Variants in CEP192 observed in about 807,000 individuals in gnomAD.
CEP192 encodes the protein centrosomal protein 192, also known as centrosomal protein of 192 kDa.
A neutral mutation model predicts 271.8 loss-of-function variants in CEP192; 151 were observed. The observed-to-expected ratio is 0.56, with a 90% CI of 0.49 to 0.64. The LOEUF is 0.64. Ranked by LOEUF, CEP192 falls within the 30% of genes least tolerant of loss-of-function variation. The pLI is 0.00. For synonymous variants in CEP192, 995 were observed against 1,076.5 expected (o/e 0.92, Z 1.48); for missense variants, 2,910 against 3,020.5 (o/e 0.96, Z 0.86).
chr18:13,059,658 G>A (rs111923091), intron 21 of CEP192, among the ~76,000 whole-genome samples: 10 of 152,122 alleles, frequency 6.6e-5, no homozygotes, highest in Admixed American at 2.0e-4. Context: ...AGCTAGAAAA[G>A]TTTCCCTTCT....
chr18:13,124,707 T>G lies in CEP192; in HGVS notation c.7551T>G (p.Ile2517Met). ...GCAAATTTGAAGCTTTGCTTGTCAT[T>G]CAAACAGATGAAGGCAAGAGTATTG... ...SAGKFEALLV[I>M]QTDEGKSIAI... Residue 2517 changes from isoleucine (I) to methionine (M), a missense_variant, in exon 45 of 45, where the codon ATT becomes ATG. Physicochemically the swap from Ile to Met is conservative, Grantham distance 10. Coordinates refer to ENST00000506447, the MANE Select transcript of CEP192 (RefSeq NM_032142.4). 1.2e-6 allele frequency: 2 copies of G among 1,614,066 alleles called. No homozygotes were observed. Among genetic ancestry groups the G allele is most frequent in the African/African-American group, 1.3e-5 (1 of 75,048 alleles).
intron 33 of CEP192, 140 bp from the exon 34 acceptor site, chr18:13,092,236 TG>T (rs1170392309): frequency 2.8e-5 from 15 of 538,614 alleles, no homozygotes; most frequent in Non-Finnish European, 4.7e-5. Context: ...TTGTGCCAGG[TG>T]GTATACTGCT....
intron 15 of CEP192, among the ~76,000 whole-genome samples, chr18:13,047,949 A>G (rs1404530699): frequency 6.6e-6 from 1 of 152,226 alleles, no homozygotes; most frequent in Non-Finnish European, 1.5e-5. Context: ...TAAAAAACAA[A>G]TGATAATCAA....
chr18:13,017,831 A>G (rs538058016), intron 7 of CEP192, among the ~76,000 whole-genome samples: 109 of 152,144 alleles, frequency 7.2e-4, no homozygotes, highest in Non-Finnish European at 1.3e-3. Flanking sequence ...TATTCTTACT[A>G]TTTTTTATCT....
At chr18:13,047,821 A>G (rs2036564421) in intron 15 of CEP192, among the ~76,000 whole-genome samples, 2 of 152,236 alleles carry the variant, frequency 1.3e-5, no homozygotes, top group African/African-American at 4.8e-5. Flanking sequence ...TGAAATTACC[A>G]AGAATTATAC....
At chr18:13,066,998 T>TGC (rs1555727029) in intron 21 of CEP192, among the ~76,000 whole-genome samples, 6 of 150,810 alleles carry the variant, frequency 4.0e-5, no homozygotes, top group African/African-American at 9.7e-5. Flanking sequence ...TGTGTGTGTG[T>TGC]GCCTGTATAA....
In CEP192 at chr18:13,080,775, T is replaced by C. The variant is rs552117813; in HGVS notation, c.5617-6242T>C. On this transcript the variant is annotated intron_variant, in intron 30 of 44. Transcript: ENST00000506447. ...TTCACTATGATATTGGCTGTGGGTT[T>C]GTCATAAATAGCTCTTATTATTTTG... Among the ~76,000 whole-genome samples, 4 of 152,346 alleles carry C rather than the reference T, an allele frequency of 2.6e-5. No homozygotes were observed. The South Asian group carries it at 8.3e-4, about 32-fold the overall frequency.
Position 13,124,714 on chromosome 18 carries a change from GATGAAGGCAAGAGTATTGCT to G in CEP192, c.7561_7580del (p.Glu2521SerfsTer5). On this transcript the variant is annotated frameshift_variant, in exon 45 of 45. Coordinates refer to ENST00000506447, the MANE Select transcript of CEP192 (RefSeq NM_032142.4). LOFTEE classifies it high-confidence loss of function. ...TGAAGCTTTGCTTGTCATTCAAACA[GATGAAGGCAAGAGTATTGCT>G]ATTCGACTAATTGGTGAAGCTCTTG... The G allele has an allele frequency of 6.2e-7, 1 of 1,613,978 alleles. No individual in the cohort carries two copies. The highest frequency in any genetic ancestry group is 1.1e-5 in the South Asian group (1 of 91,076).
At chr18:13,089,433 TA>T (rs556981566) in intron 32 of CEP192, 22 bp from the exon 33 acceptor site, 641 of 1,206,606 alleles carry the variant, frequency 5.3e-4, no homozygotes, top group Middle Eastern at 6.8e-4. Context: ...TTTTAAATAA[TA>T]AAAAAAAATC....
At chr18:13,107,569 G>A (rs1335284930) in intron 40 of CEP192, among the ~76,000 whole-genome samples, 1 of 152,192 alleles carries the variant, frequency 6.6e-6, no homozygotes, top group Admixed American at 6.5e-5. Flanking sequence ...GAAGACAAAA[G>A]TGGCTATCCT....
chr18:13,001,689 A>G, intron 3 of CEP192, 107 bp downstream of exon 3: 1 of 1,127,182 alleles, frequency 8.9e-7, no homozygotes, highest in Non-Finnish European at 1.2e-6. Context: ...GATTAATTCT[A>G]AGAATCTTGA....
chr18:13,057,493 A>G (rs2037176243), intron 19 of CEP192, 92 bp from the exon 20 acceptor site: 2 of 1,404,468 alleles, frequency 1.4e-6, no homozygotes, highest in Admixed American at 1.9e-5. Flanking sequence ...TAAACAGGCC[A>G]TCTTATAAAC....
rs1471258973 is a variant in CEP192, at chr18:13,087,545, A to C, written c.5892A>C (p.Ile1964=). ...CTTGGCATCAGAATGTTACTTTAAT[A>C]TATAATCCATCAGACAGAGGAATCA... ...KERTQENVTL[I]YNPSDRGINN... The change falls in exon 32 of 45, where the codon ATA becomes ATC. Residue 1964 remains isoleucine (I), a synonymous_variant. Coordinates refer to ENST00000506447, the MANE Select transcript of CEP192 (RefSeq NM_032142.4). The C allele has an allele frequency of 6.8e-7, 1 of 1,469,368 alleles. No individual in the cohort carries two copies. Among genetic ancestry groups the C allele is most frequent in the South Asian group, 1.2e-5 (1 of 80,690 alleles). The allele number at this position is 1,469,368 out of a possible 1,614,324, so 91.0% of individuals were successfully genotyped here.
intron 21 of CEP192, among the ~76,000 whole-genome samples, chr18:13,059,523 A>G (rs907738086): frequency 1.3e-5 from 2 of 152,356 alleles, no homozygotes; most frequent in Non-Finnish European, 1.5e-5. Flanking sequence ...TTAGATATCT[A>G]TAAAGCAGAG....
At chr18:13,047,213 T>G (rs2036530710) in intron 15 of CEP192, among the ~76,000 whole-genome samples, 1 of 152,172 alleles carries the variant, frequency 6.6e-6, no homozygotes, top group African/African-American at 2.4e-5. Flanking sequence ...TTCATTCGTT[T>G]ATTGGAATTG....
intron 9 of CEP192, among the ~76,000 whole-genome samples, chr18:13,022,936 G>A (rs2035076225): frequency 6.6e-6 from 1 of 152,150 alleles, no homozygotes; most frequent in South Asian, 2.1e-4. Flanking sequence ...TATTTCATAT[G>A]TGGGGGTGTT....
Position 13,082,345 on chromosome 18 carries a change from T to C in CEP192, c.5617-4672T>C, listed in dbSNP as rs370843784. Among the ~76,000 whole-genome samples, 66 of 152,272 alleles carry C rather than the reference T, an allele frequency of 4.3e-4. 2 individuals carry two copies. Among genetic ancestry groups the C allele is most frequent in the African/African-American group, 1.5e-3 (62 of 41,556 alleles). ...TAGCTCTTCTCGTTGAATTGATCTC[T>C]TATGATTATATGATGGCTTTCTTGG... On this transcript the variant is annotated intron_variant, in intron 30 of 44. Coordinates refer to ENST00000506447, the MANE Select transcript of CEP192 (RefSeq NM_032142.4).
At chr18:13,067,769 C>A in intron 21 of CEP192, 62 bp from the exon 22 acceptor site, 1 of 1,408,558 alleles carries the variant, frequency 7.1e-7, no homozygotes, top group South Asian at 1.2e-5. Flanking sequence ...GTGATATGAA[C>A]ATACATGTTG....
At chr18:13,105,175 GTGCTAC>G in intron 40 of CEP192, 96 bp downstream of exon 40, 1 of 843,642 alleles carries the variant, frequency 1.2e-6, no homozygotes, top group Non-Finnish European at 2.0e-6. Flanking sequence ...ACCTGGAGCA[GTGCTAC>G]TCACAGAGCC....
Sources: allele counts gnomAD v4.1 joint callset (sites outside exome capture counted in the v4.1 genomes callset), GRCh38; gene constraint gnomAD v4.1.1; transcripts MANE v1.5; gene names NCBI Gene and HGNC (gene_info 2026-07-23, HGNC 2026-07-21).